Variants in POLR1B observed in about 807,000 individuals in gnomAD.
POLR1B encodes RNA polymerase I subunit B.
POLR1B carries 30 observed loss-of-function variants against 105.8 expected under a neutral mutation model. The ratio of observed to expected loss-of-function variants is 0.28; its 90% CI spans 0.21 to 0.38. The LOEUF (loss-of-function observed/expected upper bound fraction) is 0.38, where lower values mean the gene tolerates loss of function less well. Ranked by LOEUF, POLR1B falls within the 10% of genes least tolerant of loss-of-function variation. POLR1B has a pLI of 1.00. For missense variants in POLR1B, 976 were observed against 1,435.8 expected (o/e 0.68, Z 5.17); for synonymous variants, 485 against 505.1 (o/e 0.96, Z 0.53).
chr2:112,558,699 G>A (rs1445184738), intron 8 of POLR1B, among the ~76,000 whole-genome samples: 1 of 151,878 alleles, frequency 6.6e-6, no homozygotes, highest in South Asian at 2.1e-4. Context: ...GCTCACTGCA[G>A]CCTTGACTTC....
At chr2:112,542,336 GA>G, upstream of POLR1B, 1 of 1,544,452 alleles carries the variant, frequency 6.5e-7, no homozygotes, top group Non-Finnish European at 8.7e-7. Context: ...TTGACCCCGA[GA>G]AACCGAAACC....
chr2:112,547,984 C>T lies in POLR1B; in HGVS notation c.492+417C>T, dbSNP rs537649411. On this transcript the variant is annotated intron_variant, in intron 3 of 14. Transcript: ENST00000263331. ...GGAGCATCAGTTGAGCCCAGGAGGC[C>T]TCACTACAGTGAGCCATGATTGTGC... Among the ~76,000 whole-genome samples, 5 of 152,136 alleles carry T rather than the reference C, an allele frequency of 3.3e-5. No homozygotes were observed. The South Asian group carries it at 6.2e-4, about 19-fold the overall frequency.
Position 112,568,109 on chromosome 2 carries a change from A to G in POLR1B, c.1889A>G (p.Lys630Arg). 1.2e-6 allele frequency: 2 copies of G among 1,614,116 alleles called. No homozygotes were observed. The highest frequency in any genetic ancestry group is 1.7e-6 in the Non-Finnish European group (2 of 1,179,948). The change falls in exon 11 of 15, where the codon AAA becomes AGA. Residue 630 changes from lysine (K) to arginine (R), a missense_variant. This residue lies in a region of POLR1B where 184 missense variants were observed against 197.4 expected (regional missense o/e 0.93). Transcript: ENST00000263331. ...VRPVQNLALGKEELIGTMEQI... is the reference protein window; with the variant it reads ...VRPVQNLALGREELIGTMEQI... ...CCTGTGCAGAACTTAGCATTGGGCAAAGAAGAGCTAATTGGAACTATGGAA... is the reference window on the plus strand; with the variant it reads ...CCTGTGCAGAACTTAGCATTGGGCAGAGAAGAGCTAATTGGAACTATGGAA...
chr2:112,573,929 C>T (rs1684726569), intron 14 of POLR1B, 114 bp downstream of exon 14: 2 of 1,266,744 alleles, frequency 1.6e-6, no homozygotes, highest in Admixed American at 4.7e-5. Context: ...TCACTACAAC[C>T]ACCACCTCCC....
intron 12 of POLR1B, among the ~76,000 whole-genome samples, chr2:112,569,945 T>C (rs1558664908): frequency 6.6e-6 from 1 of 152,152 alleles, no homozygotes; most frequent in African/African-American, 2.4e-5. Context: ...CTTTTCTCTC[T>C]TTCCTCCTCT....
chr2:112,564,597 C>A, intron 10 of POLR1B, 98 bp downstream of exon 10: 1 of 1,503,762 alleles, frequency 6.6e-7, no homozygotes. Context: ...CTAGAGTGAT[C>A]AAGTGGTCAG....
chr2:112,550,405 A>G (rs1683309848), intron 4 of POLR1B, among the ~76,000 whole-genome samples: 1 of 152,260 alleles, frequency 6.6e-6, no homozygotes, highest in African/African-American at 2.4e-5. Context: ...CATACATACT[A>G]TACCTAGAAA....
chr2:112,549,893 T>G (rs573970615), intron 4 of POLR1B, among the ~76,000 whole-genome samples: 1 of 143,090 alleles, frequency 7.0e-6, no homozygotes, highest in Non-Finnish European at 1.5e-5. Flanking sequence ...GTGATTGATG[T>G]TTTCATCAGT....
intron 10 of POLR1B, among the ~76,000 whole-genome samples, chr2:112,567,132 G>T (rs936063580): frequency 6.6e-6 from 1 of 152,016 alleles, no homozygotes; most frequent in Non-Finnish European, 1.5e-5. Flanking sequence ...CTTAACTATA[G>T]TCACATGCTG....
intron 1 of POLR1B, among the ~76,000 whole-genome samples, chr2:112,544,601 T>C (rs762447427): frequency 6.6e-6 from 1 of 152,160 alleles, no homozygotes; most frequent in Non-Finnish European, 1.5e-5. Flanking sequence ...TTCAGTCCCT[T>C]GTGATAATTG....
intron 12 of POLR1B, 25 bp downstream of exon 12, chr2:112,568,927 G>T: frequency 6.2e-7 from 1 of 1,600,352 alleles, no homozygotes; most frequent in East Asian, 2.2e-5. Context: ...TGATGTTACA[G>T]TCACAATCAG....
In POLR1B at chr2:112,576,449, T is replaced by C. The variant is rs1252564654; in HGVS notation, c.*720T>C. 1 of 152,244 alleles carries C rather than the reference T, an allele frequency of 6.6e-6. No individual in the cohort carries two copies. Among genetic ancestry groups the C allele is most frequent in the Non-Finnish European group, 1.5e-5 (1 of 68,060 alleles). The allele number at this position is 152,244 out of a possible 1,614,324, so 9.4% of individuals were successfully genotyped here. ...ATTGTTAATTCCAGGCACCATGTTG[T>C]ACAACAGATCTTTAGACCTTACTTG... On this transcript the variant is annotated 3_prime_UTR_variant, in exon 15 of 15. Transcript: ENST00000263331.
intron 11 of POLR1B, 140 bp from the exon 12 acceptor site, chr2:112,568,606 C>T (rs1684425773): frequency 2.2e-6 from 2 of 895,062 alleles, no homozygotes; most frequent in Admixed American, 5.6e-5. Flanking sequence ...CTGTGCTTCC[C>T]AGTTGATCCC....
intron 4 of POLR1B, 86 bp downstream of exon 4, chr2:112,549,485 T>C (rs1683247525): frequency 5.7e-6 from 6 of 1,060,004 alleles, no homozygotes; most frequent in Non-Finnish European, 7.7e-6. Flanking sequence ...AAATGGTCTT[T>C]GATATTTTTG....
rs1683448560 is a variant in POLR1B at position 112,552,876 on chromosome 2, T to C, written c.1158+60T>C. 5.1e-6 allele frequency: 7 copies of C among 1,373,780 alleles called. No individual in the cohort carries two copies. The Admixed American group carries it at 1.4e-4, about 28-fold the overall frequency. 85.1% of individuals were successfully genotyped at this position (1,373,780 alleles called of 1,614,324 possible). A position where few individuals can be genotyped will look rare whatever the true frequency, so the allele number is the denominator to read the frequency against. ...TACCACTTGTGGAATGGCGTGACTT[T>C]GTCCAGCAGCACTGTTTTCTGCATG... On this transcript the variant is annotated intron_variant, in intron 7 of 14. Coordinates refer to ENST00000263331, the MANE Select transcript of POLR1B (RefSeq NM_019014.6).
chr2:112,549,115 G>A, intron 3 of POLR1B, 152 bp from the exon 4 acceptor site: 1 of 797,044 alleles, frequency 1.3e-6, no homozygotes. Flanking sequence ...CACAAAGACA[G>A]TGTCTGTGTA....
rs556585639 is a variant in POLR1B at position 112,579,557 on chromosome 2, T to C, written c.*3828T>C. The C allele has an allele frequency of 6.6e-6, 1 of 152,242 alleles. No homozygotes were observed. Among genetic ancestry groups the C allele is most frequent in the Non-Finnish European group, 1.5e-5 (1 of 68,046 alleles). 9.4% of individuals were successfully genotyped at this position (152,242 alleles called of 1,614,324 possible). A position where few individuals can be genotyped will look rare whatever the true frequency, so the allele number is the denominator to read the frequency against. ...TCTGTAAGTGGTTGTGATCAATTTG[T>C]TGCAACACCATTGCACTTGGACCAG... On this transcript the variant is annotated 3_prime_UTR_variant, in exon 15 of 15. Transcript: ENST00000263331.
rs552069705 is a variant in POLR1B, at chr2:112,557,611, C to T, written c.1159-299C>T. Among the ~76,000 whole-genome samples, 4 of 152,272 alleles carry T rather than the reference C, an allele frequency of 2.6e-5. No individual in the cohort carries two copies. In the South Asian group the frequency reaches 6.2e-4, roughly 24 times the overall value. On this transcript the variant is annotated intron_variant, in intron 7 of 14. Transcript: ENST00000263331. ...ATTTTATTGAGAATAGGGTCTTGCCCTGTTTCCCAGGCTGGAGTGCAGTGG... is the reference window on the plus strand; with the variant it reads ...ATTTTATTGAGAATAGGGTCTTGCCTTGTTTCCCAGGCTGGAGTGCAGTGG...
Position 112,573,800 on chromosome 2 carries a change from T to C in POLR1B, c.2510T>C (p.Phe837Ser), listed in dbSNP as rs758869805. 6.2e-7 allele frequency: 1 copy of C among 1,613,838 alleles called. No individual in the cohort carries two copies. Residue 837 changes from phenylalanine (F) to serine (S), a missense_variant, in exon 14 of 15, where the codon TTT (phenylalanine) becomes TCT (serine). Coordinates refer to ENST00000263331, the MANE Select transcript of POLR1B (RefSeq NM_019014.6). ...CTCAACCTCAACACCGGGGAAAGTT[T>C]TGTGATGTACTATAAGTAAGTTTGG... is the stretch of plus-strand genomic sequence containing the variant. Reference protein sequence around the residue: ...SYLNLNTGESFVMYYKSKENC... With the variant: ...SYLNLNTGESSVMYYKSKENC...
Sources: gnomAD v4.1 joint callset for allele counts (sites outside exome capture counted in the v4.1 genomes callset) on GRCh38, gnomAD v4.1.1 for gene constraint, gnomAD v4.1.1 regional missense constraint, MANE v1.5 for transcripts, NCBI Gene and HGNC (gene_info 2026-07-23, HGNC 2026-07-21) for gene names.